The following RPS6KA2 variants were observed in gnomAD, a reference collection of about 807,000 sequenced individuals.
The protein encoded by RPS6KA2 is ribosomal protein S6 kinase alpha-2.
RPS6KA2 carries 42 observed loss-of-function variants against 91.8 expected under a neutral mutation model. The ratio of observed to expected loss-of-function variants is 0.46; its 90% confidence interval spans 0.36 to 0.59. The LOEUF (loss-of-function observed/expected upper bound fraction) is 0.59. Ranked by LOEUF, RPS6KA2 falls within the 20% of genes least tolerant of loss-of-function variation. The probability of loss-of-function intolerance (pLI) is 0.00; values close to 1 mark genes in which losing one functional copy is unlikely to be tolerated. For missense variants in RPS6KA2, 798 were observed against 978.5 expected, an observed-to-expected ratio of 0.82 and a Z score of 2.46; for synonymous variants, 414 against 393.6, an observed-to-expected ratio of 1.05 and a Z score of -0.61.
chr6:166,555,271 T>C (rs1273420539), intron 1 of RPS6KA2, among the ~76,000 whole-genome samples: 1 of 152,196 alleles, frequency 6.6e-6, no homozygotes, highest in East Asian at 1.9e-4. Flanking sequence ...TCTGGCCCAC[T>C]TCCTTGTTGT....
chr6:166,514,390 G>T (rs1782569303), intron 3 of RPS6KA2, among the ~76,000 whole-genome samples: 1 of 152,202 alleles, frequency 6.6e-6, no homozygotes, highest in Admixed American at 6.5e-5. Context: ...TGTGCATGCT[G>T]GGGGAACTGG....
chr6:166,830,679 A>G (rs1366945541), intron 2 of RPS6KA2, among the ~76,000 whole-genome samples: 1 of 152,132 alleles, frequency 6.6e-6, no homozygotes, highest in African/African-American at 2.4e-5. Context: ...GTGTGAGCCC[A>G]CAGCTTTCTG....
chr6:166,513,732 G>A (rs2128484233), intron 3 of RPS6KA2, among the ~76,000 whole-genome samples: 1 of 152,330 alleles, frequency 6.6e-6, no homozygotes, highest in South Asian at 2.1e-4. Flanking sequence ...TTTAATGAGA[G>A]GGGCCATGAA....
chr6:166,800,221 G>A (rs991011781), intron 2 of RPS6KA2, among the ~76,000 whole-genome samples: 2 of 152,188 alleles, frequency 1.3e-5, no homozygotes, highest in Non-Finnish European at 2.9e-5. Context: ...TTAGGCCAAC[G>A]TACCAGGAGG....
chr6:166,529,983 T>A (rs1380843676), intron 3 of RPS6KA2, among the ~76,000 whole-genome samples: 1 of 152,270 alleles, frequency 6.6e-6, no homozygotes, highest in Non-Finnish European at 1.5e-5. Context: ...CTCCTTTGTA[T>A]ACTTAAGTGG....
intron 2 of RPS6KA2, among the ~76,000 whole-genome samples, chr6:166,750,085 A>C (rs1040129978): frequency 2.6e-5 from 4 of 152,124 alleles, no homozygotes; most frequent in Admixed American, 2.0e-4. Context: ...CAGGGGCCGC[A>C]CCAAGTGCCC....
At chr6:166,600,498 C>G (rs1266624949) in intron 1 of RPS6KA2, among the ~76,000 whole-genome samples, 1 of 152,254 alleles carries the variant, frequency 6.6e-6, no homozygotes, top group Non-Finnish European at 1.5e-5. Context: ...CTAAATTCAC[C>G]TGGTTTCCCT....
At position 166,627,109 on chromosome 6, in the gene RPS6KA2, C is replaced by A. The variant is rs1219574932; in HGVS notation, c.-90G>T. On this transcript the variant is annotated 5_prime_UTR_variant, in exon 1 of 21. Coordinates refer to ENST00000265678, the MANE Select transcript of RPS6KA2 (RefSeq NM_021135.6). ...CGGGGCTCAGGTCCGCGGGCGGGCA[C>A]GCGTGGCCAGGGAGCCCGGCACGGC... 6 of 1,191,106 alleles carry A rather than the reference C, an allele frequency of 5.0e-6. No homozygotes were observed. The highest frequency in any genetic ancestry group is 6.3e-6 in the Non-Finnish European group (6 of 959,242). 73.8% of individuals were successfully genotyped at this position (1,191,106 alleles called of 1,614,324 possible).
At chr6:166,518,592 G>C (rs1020674135) in intron 3 of RPS6KA2, among the ~76,000 whole-genome samples, 1 of 152,178 alleles carries the variant, frequency 6.6e-6, no homozygotes, top group African/African-American at 2.4e-5. Context: ...GTGCAGGGAA[G>C]ACGTTTTTAT....
intron 16 of RPS6KA2, 114 bp downstream of exon 16, chr6:166,430,339 A>C: frequency 9.9e-6 from 9 of 910,894 alleles, no homozygotes; most frequent in South Asian, 1.7e-5. Flanking sequence ...GTGGCACGGA[A>C]GGAATTCCAG....
intron 2 of RPS6KA2, among the ~76,000 whole-genome samples, chr6:166,755,312 T>C (rs1220123665): frequency 1.3e-5 from 2 of 152,066 alleles, no homozygotes; most frequent in Admixed American, 6.6e-5. Flanking sequence ...ACCCCGGGCA[T>C]GGCAAAAACC....
chr6:166,439,404 G>A (rs1445490735), intron 14 of RPS6KA2, among the ~76,000 whole-genome samples: 1 of 152,150 alleles, frequency 6.6e-6, no homozygotes. Flanking sequence ...CACCGTGCCC[G>A]GCCATATATT....
chr6:166,502,264 C>T (rs1782053982), intron 6 of RPS6KA2, among the ~76,000 whole-genome samples: 2 of 152,078 alleles, frequency 1.3e-5, no homozygotes, highest in Non-Finnish European at 2.9e-5. Context: ...AAAAAATAAC[C>T]ACTATTTTCT....
At chr6:166,597,949 C>CA (rs1447639526) in intron 1 of RPS6KA2, among the ~76,000 whole-genome samples, 1 of 152,198 alleles carries the variant, frequency 6.6e-6, no homozygotes. Flanking sequence ...ATGCCACAGA[C>CA]AGAGCTTTTG....
chr6:166,700,863 C>T (rs1789491854), intron 2 of RPS6KA2, among the ~76,000 whole-genome samples: 1 of 152,206 alleles, frequency 6.6e-6, no homozygotes, highest in Admixed American at 6.5e-5. Flanking sequence ...CCCCCCTCTG[C>T]CACCCTTTTT....
chr6:166,458,292 A>G (rs1041793775), intron 12 of RPS6KA2, among the ~76,000 whole-genome samples: 1 of 152,146 alleles, frequency 6.6e-6, no homozygotes, highest in African/African-American at 2.4e-5. Flanking sequence ...TGCTGTTCTC[A>G]TGATGGTCAA....
intron 10 of RPS6KA2, among the ~76,000 whole-genome samples, chr6:166,477,385 T>G (rs1206886319): frequency 6.6e-6 from 1 of 152,176 alleles, no homozygotes; most frequent in Non-Finnish European, 1.5e-5. Context: ...AGGAGGTAGC[T>G]CCATCTTTCT....
At chr6:166,797,209 C>G (rs1779249806) in intron 2 of RPS6KA2, among the ~76,000 whole-genome samples, 1 of 152,210 alleles carries the variant, frequency 6.6e-6, no homozygotes, top group South Asian at 2.1e-4. Context: ...GGGAGGCACC[C>G]CACATCCGTG....
At chr6:166,689,986 T>A (rs1660653076) in intron 2 of RPS6KA2, among the ~76,000 whole-genome samples, 1 of 152,196 alleles carries the variant, frequency 6.6e-6, no homozygotes, top group Non-Finnish European at 1.5e-5. Flanking sequence ...CCACACTGCG[T>A]TCCCTCCCCA....
Sources: gnomAD v4.1 joint callset for allele counts (sites outside exome capture counted in the v4.1 genomes callset) on GRCh38, gnomAD v4.1.1 for gene constraint, MANE v1.5 for transcripts, NCBI Gene and HGNC (gene_info 2026-07-23, HGNC 2026-07-21) for gene names.